The following ANKRD6 variants were observed in gnomAD, a reference collection of about 807,000 sequenced individuals.
The protein encoded by ANKRD6 is ankyrin repeat domain-containing protein 6.
In ANKRD6, 56 loss-of-function variants were observed where a neutral mutation model predicts 82.3. The ratio of observed to expected loss-of-function variants is 0.68; its 90% CI spans 0.55 to 0.85. The LOEUF (loss-of-function observed/expected upper bound fraction) is 0.85. Among genes scored for constraint, ANKRD6 ranks in the 40% least tolerant of loss-of-function variants. The pLI, the probability that ANKRD6 is intolerant of heterozygous loss-of-function variation, is 0.00. For missense variants in ANKRD6, 852 were observed against 907.6 expected (o/e 0.94, Z 0.79); for synonymous variants, 347 against 352.1 (o/e 0.99, Z 0.16).
intron 1 of ANKRD6, among the ~76,000 whole-genome samples, chr6:89,499,461 C>T (rs956994381): frequency 1.2e-4 from 18 of 152,106 alleles, no homozygotes; most frequent in Non-Finnish European, 2.2e-4. Flanking sequence ...CCATTCTGGT[C>T]TAGTCATCTA....
At chr6:89,466,766 G>A (rs1774895644) in intron 1 of ANKRD6, among the ~76,000 whole-genome samples, 1 of 152,052 alleles carries the variant, frequency 6.6e-6, no homozygotes, top group Non-Finnish European at 1.5e-5. Context: ...GAGTGCTGTC[G>A]TGTGATCATG....
At chr6:89,499,933 A>C (rs1396184463) in intron 1 of ANKRD6, among the ~76,000 whole-genome samples, 1 of 152,182 alleles carries the variant, frequency 6.6e-6, no homozygotes, top group African/African-American at 2.4e-5. Context: ...AATGGAGACA[A>C]AAAGCATGAA....
intron 1 of ANKRD6, among the ~76,000 whole-genome samples, chr6:89,445,646 A>G (rs1237421167): frequency 2.0e-5 from 3 of 152,094 alleles, no homozygotes; most frequent in African/African-American, 7.2e-5. Flanking sequence ...GGGTTTCACC[A>G]TGTTGGTCAG....
intron 2 of ANKRD6, among the ~76,000 whole-genome samples, chr6:89,573,407 TA>T (rs1161319490): frequency 2.0e-5 from 3 of 152,196 alleles, no homozygotes; most frequent in Admixed American, 6.5e-5. Flanking sequence ...TCTCCATGAG[TA>T]AACCTATTAC....
intron 2 of ANKRD6, among the ~76,000 whole-genome samples, chr6:89,581,105 A>G (rs1352107603): frequency 6.6e-6 from 1 of 152,176 alleles, no homozygotes; most frequent in Non-Finnish European, 1.5e-5. Context: ...ATATTTACGT[A>G]CATACACTCA....
chr6:89,630,869 T>G lies in ANKRD6; in HGVS notation c.2049T>G (p.Tyr683Ter). ...TTTCTACCCAGATGGAAAAGTGGTATGAAAGGAAGATTGAAGAAGCACGAA... is the reference window on the plus strand; with the variant it reads ...TTTCTACCCAGATGGAAAAGTGGTAGGAAAGGAAGATTGAAGAAGCACGAA... ...EAVSTQMEKW[Y>*]ERKIEEARSQ... Residue 683 changes from tyrosine (Y) to a stop codon, truncating the protein, a stop_gained, in exon 16 of 16, where the codon TAT (tyrosine) becomes TAG (stop). Transcript: ENST00000339746. LOFTEE classifies it high-confidence loss of function. 6.2e-7 allele frequency: 1 copy of G among 1,613,670 alleles called. No homozygotes were observed. Among genetic ancestry groups the G allele is most frequent in the Non-Finnish European group, 8.5e-7 (1 of 1,179,862 alleles).
At chr6:89,623,789 TG>T in intron 11 of ANKRD6, 82 bp from the exon 12 acceptor site, 2 of 1,446,358 alleles carry the variant, frequency 1.4e-6, no homozygotes, top group Non-Finnish European at 1.9e-6. Context: ...TTTGCCCAAA[TG>T]GGGTGACATG....
At chr6:89,471,507 G>A (rs1342299446) in intron 1 of ANKRD6, among the ~76,000 whole-genome samples, 3 of 152,030 alleles carry the variant, frequency 2.0e-5, no homozygotes, top group Non-Finnish European at 4.4e-5. Context: ...GACTGAGCCT[G>A]TGGATTACCT....
intron 2 of ANKRD6, among the ~76,000 whole-genome samples, chr6:89,585,066 G>A (rs569109643): frequency 6.6e-6 from 1 of 152,150 alleles, no homozygotes; most frequent in Admixed American, 6.5e-5. Flanking sequence ...ATCAATTTCA[G>A]GGAGACACAA....
intron 1 of ANKRD6, among the ~76,000 whole-genome samples, chr6:89,447,242 G>A (rs1772200011): frequency 6.6e-6 from 1 of 152,030 alleles, no homozygotes; most frequent in Non-Finnish European, 1.5e-5. Context: ...GTGACAGAGT[G>A]AGACCCTGTC....
intron 3 of ANKRD6, chr6:89,601,597 G>A (rs1260723064): frequency 6.6e-6 from 1 of 152,142 alleles, no homozygotes; most frequent in Middle Eastern, 3.2e-3. Flanking sequence ...TTTTAAGAAA[G>A]CAATTTTGAG....
At chr6:89,569,408 T>A (rs1789272922) in intron 2 of ANKRD6, among the ~76,000 whole-genome samples, 1 of 152,240 alleles carries the variant, frequency 6.6e-6, no homozygotes, top group South Asian at 2.1e-4. Flanking sequence ...TTCATCTCTG[T>A]TGTAGCATGT....
intron 1 of ANKRD6, among the ~76,000 whole-genome samples, chr6:89,468,628 C>G (rs72912551): frequency 2.1e-5 from 3 of 140,466 alleles, no homozygotes; most frequent in Non-Finnish European, 4.6e-5. Flanking sequence ...AAAAAAAGTC[C>G]GTGCATAATT....
chr6:89,543,166 C>A (rs571776784), intron 1 of ANKRD6, among the ~76,000 whole-genome samples: 5 of 152,260 alleles, frequency 3.3e-5, no homozygotes, highest in African/African-American at 1.2e-4. Context: ...TTGATGCCAT[C>A]TTGTAAAGGA....
chr6:89,490,294 C>T (rs6934871), intron 1 of ANKRD6, among the ~76,000 whole-genome samples: 11,975 of 152,296 alleles, frequency 0.079, 561 homozygotes, highest in South Asian at 0.15. Flanking sequence ...TTTATGGGTG[C>T]AACTGACAGG....
intron 2 of ANKRD6, among the ~76,000 whole-genome samples, chr6:89,577,129 G>A (rs1453514420): frequency 6.6e-6 from 1 of 151,862 alleles, no homozygotes. Context: ...AGCCCCTCCT[G>A]AGGCCTGGTC....
intron 3 of ANKRD6, among the ~76,000 whole-genome samples, chr6:89,597,419 A>G (rs545049409): frequency 6.4e-4 from 97 of 152,322 alleles, no homozygotes; most frequent in Middle Eastern, 3.4e-3. Context: ...GTTGGGATGC[A>G]TTTGGTCTTC....
At chr6:89,532,379 C>T (rs938921070) in intron 1 of ANKRD6, among the ~76,000 whole-genome samples, 2 of 152,124 alleles carry the variant, frequency 1.3e-5, no homozygotes, top group African/African-American at 2.4e-5. Context: ...CTGTTTATTC[C>T]ATCTGGAGTG....
chr6:89,555,063 C>T (rs546017312), intron 1 of ANKRD6, among the ~76,000 whole-genome samples: 20 of 117,150 alleles, frequency 1.7e-4, no homozygotes, highest in South Asian at 4.2e-4. Context: ...CTCCTCCCCC[C>T]CTTCTCTTCT....
Sources: allele counts gnomAD v4.1 joint callset (sites outside exome capture counted in the v4.1 genomes callset), GRCh38; gene constraint gnomAD v4.1.1; transcripts MANE v1.5; gene names NCBI Gene and HGNC (gene_info 2026-07-23, HGNC 2026-07-21).